PAFAH1B2: variants seen among roughly 807,000 people sequenced by gnomAD.
The protein encoded by PAFAH1B2 is platelet-activating factor acetylhydrolase IB subunit alpha2.
A neutral mutation model predicts 28.0 loss-of-function variants in PAFAH1B2; 8 were observed. The ratio of observed to expected loss-of-function variants is 0.29; its 90% CI spans 0.17 to 0.52. The LOEUF is 0.52. PAFAH1B2 is among the 20% of genes least tolerant of loss of function. The probability of loss-of-function intolerance (pLI) is 0.97; values close to 1 mark genes in which losing one functional copy is unlikely to be tolerated. For synonymous variants in PAFAH1B2, 104 were observed against 103.2 expected, an observed-to-expected ratio of 1.01 and a Z score of -0.05; for missense variants, 190 against 282.6, an observed-to-expected ratio of 0.67 and a Z score of 2.35.
In PAFAH1B2 at chr11:117,152,519, G is replaced by C; in HGVS notation, c.72G>C (p.Trp24Cys). The stretch of plus-strand genomic sequence containing the variant: ...AAGATATTCAAGGAGATGACCGATG[G>C]ATGTCTCAGGTAAAAGGAAGTGCAT... ...AAEDIQGDDR[W>C]MSQHNRFVLD... Residue 24 changes from tryptophan to cysteine, a missense_variant, in exon 2 of 6, where the codon TGG (tryptophan) becomes TGC (cysteine). Coordinates refer to ENST00000527958, the MANE Select transcript of PAFAH1B2 (RefSeq NM_002572.4). 6.2e-7 allele frequency: 1 copy of C among 1,608,858 alleles called. No individual in the cohort carries two copies. The highest frequency in any genetic ancestry group is 8.5e-7 in the Non-Finnish European group (1 of 1,175,166).
intron 2 of PAFAH1B2, among the ~76,000 whole-genome samples, chr11:117,157,548 G>A (rs76500141): frequency 0.013 from 1,969 of 152,260 alleles, 38 homozygotes; most frequent in African/African-American, 0.041. Flanking sequence ...ATCTGCATTG[G>A]TATTGTCAAC....
Position 117,170,480 on chromosome 11 carries a change from G to A in PAFAH1B2, c.*2781G>A, listed in dbSNP as rs753590091. On this transcript the variant is annotated 3_prime_UTR_variant, in exon 6 of 6. Coordinates refer to ENST00000527958, the MANE Select transcript of PAFAH1B2 (RefSeq NM_002572.4). ...TCTTCCAGTCCATGTGTTCTCGGTC[G>A]CCGTAGACAGCGCTCTGGCTACCAC... is the stretch of plus-strand genomic sequence containing the variant. The A allele has an allele frequency of 4.1e-5, 43 of 1,059,744 alleles. No individual in the cohort carries two copies. The highest frequency in any genetic ancestry group is 4.6e-5 in the Non-Finnish European group (40 of 876,314). 65.6% of individuals were successfully genotyped at this position (1,059,744 alleles called of 1,614,324 possible).
chr11:117,163,753 T>G lies in PAFAH1B2; in HGVS notation c.289-17T>G, dbSNP rs1956432618. 1 of 1,612,628 alleles carries G rather than the reference T, an allele frequency of 6.2e-7. No individual in the cohort carries two copies. Among genetic ancestry groups the G allele is most frequent in the African/African-American group, 1.3e-5 (1 of 74,874 alleles). ...GGTATTTATCTTCTCCTTCCCCCCT[T>G]TTTTCTTCAATTGCAGGTCATTGTT... On this transcript the variant is annotated splice_polypyrimidine_tract_variant and intron_variant, in intron 4 of 5. Coordinates refer to ENST00000527958, the MANE Select transcript of PAFAH1B2 (RefSeq NM_002572.4).
At chr11:117,150,751 T>C (rs192088193) in intron 1 of PAFAH1B2, among the ~76,000 whole-genome samples, 1 of 152,068 alleles carries the variant, frequency 6.6e-6, no homozygotes, top group Non-Finnish European at 1.5e-5. Context: ...AGATTGCTTA[T>C]ATAGAAGATG....
intron 2 of PAFAH1B2, among the ~76,000 whole-genome samples, chr11:117,153,936 T>C (rs1956209379): frequency 6.6e-6 from 1 of 151,652 alleles, no homozygotes; most frequent in African/African-American, 2.4e-5. Context: ...TTCTTTTTTT[T>C]TTTTTAAGAC....
At chr11:117,159,845 C>G in intron 2 of PAFAH1B2, 89 bp from the exon 3 acceptor site, 1 of 864,044 alleles carries the variant, frequency 1.2e-6, no homozygotes, top group Non-Finnish European at 2.0e-6. Context: ...CCTGTCCTGG[C>G]CTCCCAAAAT....
At chr11:117,159,789 A>G (rs1956331604) in intron 2 of PAFAH1B2, 145 bp from the exon 3 acceptor site, 1 of 586,950 alleles carries the variant, frequency 1.7e-6, no homozygotes, top group South Asian at 2.3e-5. Context: ...TGGGATCTTG[A>G]TATATTACCC....
rs761192597 is a variant in PAFAH1B2 at position 117,168,071 on chromosome 11, A to C, written c.*372A>C. 27 of 1,057,518 alleles carry C rather than the reference A, an allele frequency of 2.6e-5. No individual in the cohort carries two copies. The African/African-American group carries it at 2.8e-4, about 11-fold the overall frequency. The allele number at this position is 1,057,518 out of a possible 1,614,324, so 65.5% of individuals were successfully genotyped here. On this transcript the variant is annotated 3_prime_UTR_variant, in exon 6 of 6. Coordinates refer to ENST00000527958, the MANE Select transcript of PAFAH1B2 (RefSeq NM_002572.4). ...TTCTGTGGATTATGTCATATATAAT[A>C]ATTATCAGAATCATTCTACTTGGCT...
chr11:117,175,558 A>G (rs2029933866), downstream of PAFAH1B2: 3 of 1,115,356 alleles, frequency 2.7e-6, no homozygotes, highest in African/African-American at 3.2e-5. Context: ...TTCTCTCCAG[A>G]TATTGCCAGC....
chr11:117,164,562 A>G (rs1956457276), intron 5 of PAFAH1B2, among the ~76,000 whole-genome samples: 1 of 152,242 alleles, frequency 6.6e-6, no homozygotes, highest in South Asian at 2.1e-4. Flanking sequence ...TTTTACTGCT[A>G]ATATGTTAAA....
In PAFAH1B2 at chr11:117,170,851, G is replaced by T. The variant is rs984764501; in HGVS notation, c.*3152G>T. 9.4e-7 allele frequency: 1 copy of T among 1,060,004 alleles called. No individual in the cohort carries two copies. The highest frequency in any genetic ancestry group is 5.4e-5 in the Admixed American group (1 of 18,548). 65.7% of individuals were successfully genotyped at this position (1,060,004 alleles called of 1,614,324 possible). ...GGGTGCATGTGGGAGAAGTGAGTTA[G>T]GGCCTCTTGAAAGGAGGCTTTTTGG... On this transcript the variant is annotated 3_prime_UTR_variant, in exon 6 of 6. Coordinates refer to ENST00000527958, the MANE Select transcript of PAFAH1B2 (RefSeq NM_002572.4).
chr11:117,144,522 C>A (rs12419227), intron 1 of PAFAH1B2, 104 bp downstream of exon 1: 9,661 of 177,052 alleles, frequency 0.055, 332 homozygotes, highest in Middle Eastern at 0.093. Flanking sequence ...CTCCCCCACC[C>A]TTGCGGCCCC....
At chr11:117,148,807 AGT>A (rs1473102133) in intron 1 of PAFAH1B2, among the ~76,000 whole-genome samples, 1 of 151,818 alleles carries the variant, frequency 6.6e-6, no homozygotes, top group Admixed American at 6.6e-5. Context: ...GTCTTGAAAG[AGT>A]GTGTGTATGC....
In PAFAH1B2 at chr11:117,167,962, A is replaced by G. The variant is rs1282242956; in HGVS notation, c.*263A>G. 9 of 1,109,128 alleles carry G rather than the reference A, an allele frequency of 8.1e-6. No homozygotes were observed. The highest frequency in any genetic ancestry group is 4.5e-5 in the East Asian group (1 of 22,360). 68.7% of individuals were successfully genotyped at this position (1,109,128 alleles called of 1,614,324 possible). ...GGGACTTTTTAGTTGTATGTGTAAC[A>G]CATTCATTGAATTATTATCACTGTT... On this transcript the variant is annotated 3_prime_UTR_variant, in exon 6 of 6. Transcript: ENST00000527958.
chr11:117,175,954 A>G, downstream of PAFAH1B2: 1 of 1,530,940 alleles, frequency 6.5e-7, no homozygotes, highest in South Asian at 1.2e-5. Flanking sequence ...AAAAGTCCAG[A>G]TGGACTGAGG....
At chr11:117,159,230 A>C (rs1295225149) in intron 2 of PAFAH1B2, among the ~76,000 whole-genome samples, 1 of 152,202 alleles carries the variant, frequency 6.6e-6, no homozygotes, top group Non-Finnish European at 1.5e-5. Flanking sequence ...TTCTGGTTTC[A>C]GTAGAATTCT....
downstream of PAFAH1B2, chr11:117,175,151 G>T (rs10128622): frequency 1.1e-5 from 13 of 1,181,234 alleles, no homozygotes; most frequent in Admixed American, 1.4e-4. Context: ...CACCCTGACC[G>T]CTTGAGGGCC....
chr11:117,148,978 C>T lies in PAFAH1B2; in HGVS notation c.-7-3463C>T, dbSNP rs202101399. 9.9e-5 allele frequency among the ~76,000 whole-genome samples: 15 copies of T among 152,080 alleles called. No homozygotes were observed. In the East Asian group the frequency reaches 2.9e-3, roughly 29 times the overall value. ...CACCTCCTGGGCTCGAGCGATTCTC[C>T]TCCCTCAGCCTCCCAAGTAGCTGGG... On this transcript the variant is annotated intron_variant, in intron 1 of 5. Coordinates refer to ENST00000527958, the MANE Select transcript of PAFAH1B2 (RefSeq NM_002572.4).
At chr11:117,158,980 C>G (rs1003472491) in intron 2 of PAFAH1B2, among the ~76,000 whole-genome samples, 5 of 152,166 alleles carry the variant, frequency 3.3e-5, no homozygotes, top group African/African-American at 1.2e-4. Flanking sequence ...TTAGGAGATG[C>G]TTGCTGATTA....
Sources: gnomAD v4.1 joint callset for allele counts (sites outside exome capture counted in the v4.1 genomes callset) on GRCh38, gnomAD v4.1.1 for gene constraint, MANE v1.5 for transcripts, NCBI Gene and HGNC (gene_info 2026-07-23, HGNC 2026-07-21) for gene names.